Variants in RBFOX1 observed in about 807,000 individuals in gnomAD.
RBFOX1 encodes the protein RNA binding protein fox-1 homolog 1.
RBFOX1 carries 8 observed loss-of-function variants against 57.7 expected under a neutral mutation model. The ratio of observed to expected loss-of-function variants is 0.14; its 90% confidence interval spans 0.08 to 0.25. The LOEUF (loss-of-function observed/expected upper bound fraction) is 0.25, where lower values mean the gene tolerates loss of function less well. RBFOX1 is among the 10% of genes least tolerant of loss of function. The pLI is 1.00. For synonymous variants in RBFOX1, 326 were observed against 222.4 expected (o/e 1.47, Z -4.15); for missense variants, 611 against 548.5 (o/e 1.11, Z -1.14).
intron 4 of RBFOX1, among the ~76,000 whole-genome samples, chr16:7,461,131 G>C (rs1485034614): frequency 1.3e-5 from 2 of 152,006 alleles, no homozygotes; most frequent in East Asian, 1.9e-4. Flanking sequence ...TATTTCACGT[G>C]GTTGATAAGA....
chr16:5,514,100 C>T (rs868479126), intron 2 of RBFOX1, among the ~76,000 whole-genome samples: 65 of 152,274 alleles, frequency 4.3e-4, no homozygotes, highest in African/African-American at 1.5e-3. Flanking sequence ...CTTGTCTAAT[C>T]ACGTTAGGTA....
intron 4 of RBFOX1, among the ~76,000 whole-genome samples, chr16:7,134,768 G>A (rs74563773): frequency 0.024 from 3,691 of 152,220 alleles, 152 homozygotes; most frequent in African/African-American, 0.084. Flanking sequence ...GTGCTGTACC[G>A]AATTTGCAAA....
intron 4 of RBFOX1, among the ~76,000 whole-genome samples, chr16:7,474,525 T>C (rs12444440): frequency 0.94 from 142,797 of 152,218 alleles, 67,253 homozygotes; most frequent in East Asian, 1. Context: ...ACTATTTAGG[T>C]TGGTGCAAAA....
At chr16:6,179,721 C>T (rs1314827582) in intron 1 of RBFOX1, among the ~76,000 whole-genome samples, 1 of 152,184 alleles carries the variant, frequency 6.6e-6, no homozygotes, top group Non-Finnish European at 1.5e-5. Flanking sequence ...AATATTTATA[C>T]ATCTATTGGT....
Position 6,793,222 on chromosome 16 carries a change from T to A in RBFOX1, c.-16+138572T>A, listed in dbSNP as rs192510153. Among the ~76,000 whole-genome samples, 743 of 152,300 alleles carry A rather than the reference T, an allele frequency of 4.9e-3. 11 individuals carry two copies. The highest frequency in any genetic ancestry group is 0.017 in the African/African-American group (699 of 41,550). ...GTATAATTTTTAAAAAGGTACTGTTTGTTAATTTTAAGAACATTCCAGTAG... is the reference window on the plus strand; with the variant it reads ...GTATAATTTTTAAAAAGGTACTGTTAGTTAATTTTAAGAACATTCCAGTAG... On this transcript the variant is annotated intron_variant, in intron 3 of 15. Transcript: ENST00000550418.
At position 5,877,967 on chromosome 16, in the gene RBFOX1, C is replaced by G. The variant is rs145346271; in HGVS notation, c.351+10632C>G. Among the ~76,000 whole-genome samples the G allele has an allele frequency of 2.0e-3, 310 of 152,320 alleles. 1 individual carries two copies. The highest frequency in any genetic ancestry group is 7.1e-3 in the African/African-American group (295 of 41,560). Reference sequence around the variant, plus strand: ...TCAATTTGGTCCAGTGTCTCGGCTCCACCTCCAGAGTTGAGTCCCACCTCC... The same window carrying G: ...TCAATTTGGTCCAGTGTCTCGGCTCGACCTCCAGAGTTGAGTCCCACCTCC... On this transcript the variant is annotated intron_variant, in intron 4 of 19. Transcript: ENST00000641259.
chr16:7,441,297 C>G (rs953312004), intron 4 of RBFOX1, among the ~76,000 whole-genome samples: 22 of 152,278 alleles, frequency 1.4e-4, no homozygotes, highest in South Asian at 2.1e-4. Context: ...AGTGGTGGAG[C>G]TGTTAGCATA....
At chr16:7,595,177 A>G (rs571051595) in intron 7 of RBFOX1, among the ~76,000 whole-genome samples, 1 of 152,168 alleles carries the variant, frequency 6.6e-6, no homozygotes, top group Non-Finnish European at 1.5e-5. Context: ...TTGCATGTCA[A>G]AAAAGTGGTT....
intron 4 of RBFOX1, among the ~76,000 whole-genome samples, chr16:5,994,745 G>A (rs577164689): frequency 6.6e-6 from 1 of 152,170 alleles, no homozygotes; most frequent in African/African-American, 2.4e-5. Context: ...TGGCCCATGG[G>A]CAGTAGTTTG....
intron 2 of RBFOX1, among the ~76,000 whole-genome samples, chr16:5,568,345 C>T (rs565673082): frequency 1.3e-5 from 2 of 152,310 alleles, no homozygotes; most frequent in East Asian, 3.9e-4. Context: ...CCCTGTGACA[C>T]GTGATCCTCC....
chr16:6,865,475 C>T (rs1420314677), intron 3 of RBFOX1, among the ~76,000 whole-genome samples: 1 of 152,118 alleles, frequency 6.6e-6, no homozygotes. Flanking sequence ...CACACCCAGG[C>T]ACCTTCTTGT....
At chr16:6,012,714 C>T (rs1199109143) in intron 4 of RBFOX1, among the ~76,000 whole-genome samples, 1 of 152,146 alleles carries the variant, frequency 6.6e-6, no homozygotes, top group African/African-American at 2.4e-5. Flanking sequence ...TTCACAATTT[C>T]CTGGATGTTA....
intron 2 of RBFOX1, among the ~76,000 whole-genome samples, chr16:5,534,871 C>T (rs1447924524): frequency 6.6e-6 from 1 of 152,178 alleles, no homozygotes; most frequent in Non-Finnish European, 1.5e-5. Flanking sequence ...ATTTATTAAA[C>T]ACAAGAAAGA....
chr16:6,705,351 G>C (rs188635953), intron 3 of RBFOX1: 1 of 152,244 alleles, frequency 6.6e-6, no homozygotes, highest in Admixed American at 6.5e-5. Context: ...ATGGATGGGG[G>C]TTGGCATCAG....
intron 3 of RBFOX1, among the ~76,000 whole-genome samples, chr16:6,784,681 T>G (rs1259769233): frequency 6.7e-6 from 1 of 149,644 alleles, no homozygotes; most frequent in Non-Finnish European, 1.5e-5. Flanking sequence ...ATGAGGGCAT[T>G]TGTTAATGTC....
Position 6,494,358 on chromosome 16 carries a change from G to C in RBFOX1, c.-63-160245G>C, listed in dbSNP as rs142310644. On this transcript the variant is annotated intron_variant, in intron 2 of 15. Coordinates refer to ENST00000550418, the MANE Select transcript of RBFOX1 (RefSeq NM_018723.4). Reference sequence around the variant, plus strand: ...CTGAGGTTCCATTTGTATAACCACAGCTATCTCTCGCGACCACCTGCCCCT... The same window carrying C: ...CTGAGGTTCCATTTGTATAACCACACCTATCTCTCGCGACCACCTGCCCCT... 5.9e-3 allele frequency among the ~76,000 whole-genome samples: 891 copies of C among 152,224 alleles called. 3 individuals are homozygous for C. Among genetic ancestry groups the C allele is most frequent in the Middle Eastern group, 0.048 (14 of 294 alleles).
chr16:7,241,738 C>G (rs2094072832), intron 4 of RBFOX1, among the ~76,000 whole-genome samples: 1 of 151,922 alleles, frequency 6.6e-6, no homozygotes, highest in South Asian at 2.1e-4. Flanking sequence ...TATACACAAA[C>G]ACACACACAT....
rs761893236 is a variant in RBFOX1 at position 6,647,036 on chromosome 16, C to T, written c.-63-7567C>T. On this transcript the variant is annotated intron_variant, in intron 2 of 15. Transcript: ENST00000550418. ...GGATAGCTTCTGAACAGAACATTTACTTTGTCATAGTTCTTGTGTCTGGAT... is the reference window on the plus strand; with the variant it reads ...GGATAGCTTCTGAACAGAACATTTATTTTGTCATAGTTCTTGTGTCTGGAT... Among the ~76,000 whole-genome samples, 43 of 152,256 alleles carry T rather than the reference C, an allele frequency of 2.8e-4. No individual in the cohort carries two copies. The Middle Eastern group carries it at 0.024, about 84-fold the overall frequency.
intron 3 of RBFOX1, among the ~76,000 whole-genome samples, chr16:5,628,310 A>G (rs1448067230): frequency 2.6e-5 from 4 of 152,238 alleles, no homozygotes; most frequent in Non-Finnish European, 5.9e-5. Flanking sequence ...CAATTATCAC[A>G]GACTAAATTC....
Sources: gnomAD v4.1 joint callset for allele counts (sites outside exome capture counted in the v4.1 genomes callset) on GRCh38, gnomAD v4.1.1 for gene constraint, MANE v1.5 for transcripts, NCBI Gene and HGNC (gene_info 2026-07-23, HGNC 2026-07-21) for gene names.